The following PCBP3 variants were observed in gnomAD, a reference collection of about 807,000 sequenced individuals.
PCBP3 encodes the protein poly(rC) binding protein 3, also known as poly(rC)-binding protein 3.
In PCBP3, 25 loss-of-function variants were observed where a neutral mutation model predicts 52.7. The observed-to-expected ratio is 0.47, with a 90% CI of 0.35 to 0.66. The LOEUF (loss-of-function observed/expected upper bound fraction) is 0.66, where lower values mean the gene tolerates loss of function less well. Among genes scored for constraint, PCBP3 ranks in the 30% least tolerant of loss-of-function variants. The pLI, the probability that PCBP3 is intolerant of heterozygous loss-of-function variation, is 0.01. For synonymous variants in PCBP3, 162 were observed against 183.0 expected (o/e 0.89, Z 0.93); for missense variants, 391 against 490.3 (o/e 0.80, Z 1.91).
intron 2 of PCBP3, among the ~76,000 whole-genome samples, chr21:45,730,398 G>C (rs2085365095): frequency 6.6e-6 from 1 of 151,642 alleles, no homozygotes; most frequent in South Asian, 2.1e-4. Context: ...ATTGTGGTCA[G>C]GAAACATTTT....
intron 13 of PCBP3, chr21:45,918,079 G>T: frequency 4.4e-6 from 1 of 224,866 alleles, no homozygotes; most frequent in Non-Finnish European, 8.9e-6. Flanking sequence ...CCCTTTCAGA[G>T]TCCACATGAA....
intron 16 of PCBP3, among the ~76,000 whole-genome samples, chr21:45,938,983 C>A (rs1055228446): frequency 1.9e-4 from 29 of 152,264 alleles, no homozygotes; most frequent in Non-Finnish European, 5.9e-5. Flanking sequence ...CCCAGCCCAG[C>A]CCTTCCATCC....
intron 3 of PCBP3, among the ~76,000 whole-genome samples, chr21:45,739,132 C>A: frequency 8.1e-6 from 1 of 123,376 alleles, no homozygotes; most frequent in Non-Finnish European, 1.7e-5. Flanking sequence ...CCCCCATCTT[C>A]ATCAGCCCAC....
chr21:45,894,773 A>G (rs541597154), intron 5 of PCBP3, among the ~76,000 whole-genome samples: 1 of 152,368 alleles, frequency 6.6e-6, no homozygotes, highest in East Asian at 1.9e-4. Context: ...GTCCTGCTGC[A>G]CAGTGCAGCG....
intron 5 of PCBP3, among the ~76,000 whole-genome samples, chr21:45,891,764 G>A (rs1423491769): frequency 6.6e-6 from 1 of 152,250 alleles, no homozygotes; most frequent in Non-Finnish European, 1.5e-5. Context: ...AGGTTAAACG[G>A]TGAGTCGGTC....
rs1190903672 is a variant in PCBP3 at position 45,802,444 on chromosome 21, G to A, written c.-126+46992G>A. Among the ~76,000 whole-genome samples the A allele has an allele frequency of 4.6e-5, 7 of 152,286 alleles. No homozygotes were observed. In the East Asian group the frequency reaches 1.2e-3, roughly 25 times the overall value. On this transcript the variant is annotated intron_variant, in intron 4 of 17. Coordinates refer to ENST00000681687, the MANE Select transcript of PCBP3 (RefSeq NM_001384156.1). This position sits in a 1 kb window ranked among gnomAD's most constrained non-coding sequence, Gnocchi z 5.1. Reference sequence around the variant, plus strand: ...ACAATTGTACTTACTGAGTGCCTACGTTGTCCTGTGCCCGGGCTGCCCAAG... The same window carrying A: ...ACAATTGTACTTACTGAGTGCCTACATTGTCCTGTGCCCGGGCTGCCCAAG...
At chr21:45,768,484 T>A (rs1462005351) in intron 4 of PCBP3, among the ~76,000 whole-genome samples, 1 of 152,222 alleles carries the variant, frequency 6.6e-6, no homozygotes, top group Admixed American at 6.5e-5. Flanking sequence ...TCAAAGCAGA[T>A]GCATTTGAGG....
chr21:45,683,143 C>G (rs1309627488), intron 2 of PCBP3, among the ~76,000 whole-genome samples: 2 of 152,162 alleles, frequency 1.3e-5, no homozygotes, highest in Non-Finnish European at 2.9e-5. Context: ...GAACAATGAC[C>G]TGGATTCAGA....
At chr21:45,687,221 A>G (rs1000781464) in intron 2 of PCBP3, among the ~76,000 whole-genome samples, 3 of 152,220 alleles carry the variant, frequency 2.0e-5, no homozygotes, top group Admixed American at 1.3e-4. Flanking sequence ...CTGTCAACCT[A>G]TAATTCTATT....
At chr21:45,820,295 C>T (rs2093093050) in intron 4 of PCBP3, among the ~76,000 whole-genome samples, 1 of 152,274 alleles carries the variant, frequency 6.6e-6, no homozygotes, top group African/African-American at 2.4e-5. Flanking sequence ...CACACCTTTG[C>T]TGCCTGTGAG....
At chr21:45,832,387 T>C (rs925908129) in intron 4 of PCBP3, among the ~76,000 whole-genome samples, 1 of 152,130 alleles carries the variant, frequency 6.6e-6, no homozygotes. Context: ...TCCTATCTCA[T>C]CCCAAGACTT....
chr21:45,736,649 C>T lies in PCBP3; in HGVS notation c.-162+1220C>T, dbSNP rs2085890809. Among the ~76,000 whole-genome samples the T allele has an allele frequency of 6.6e-6, 1 of 152,086 alleles. No homozygotes were observed. Among genetic ancestry groups the T allele is most frequent in the African/African-American group, 2.4e-5 (1 of 41,380 alleles). On this transcript the variant is annotated intron_variant, in intron 3 of 17. Transcript: ENST00000681687. The surrounding 1 kb of genome is among the most constrained non-coding windows in gnomAD (Gnocchi z 4.6). The stretch of plus-strand genomic sequence containing the variant: ...GGGTTGGGGCCTGTGCTCCTAGGTG[C>T]TTAGGCTTGCAGGTGACTGGAATCC...
chr21:45,657,757 T>C (rs2080111721), intron 1 of PCBP3, among the ~76,000 whole-genome samples: 1 of 152,208 alleles, frequency 6.6e-6, no homozygotes, highest in Admixed American at 6.5e-5. Flanking sequence ...GTTAACAATA[T>C]TAAGTTTTCC....
chr21:45,672,859 G>A (rs756615250), intron 2 of PCBP3, among the ~76,000 whole-genome samples: 13 of 152,158 alleles, frequency 8.5e-5, no homozygotes, highest in Admixed American at 1.3e-4. Context: ...GTCTCTAGAC[G>A]CTTTCCTGTC....
At chr21:45,768,968 C>T (rs1402818037) in intron 4 of PCBP3, among the ~76,000 whole-genome samples, 2 of 152,218 alleles carry the variant, frequency 1.3e-5, no homozygotes, top group Non-Finnish European at 2.9e-5. Flanking sequence ...GAGGTGAGCA[C>T]GTGTCAGGAC....
chr21:45,804,135 C>T (rs545662943), intron 4 of PCBP3, among the ~76,000 whole-genome samples: 1 of 152,178 alleles, frequency 6.6e-6, no homozygotes, highest in Non-Finnish European at 1.5e-5. Flanking sequence ...CTCTCTGCTG[C>T]CCGCGTGGCT....
At chr21:45,699,965 C>G (rs1277923072) in intron 2 of PCBP3, among the ~76,000 whole-genome samples, 1 of 152,192 alleles carries the variant, frequency 6.6e-6, no homozygotes, top group African/African-American at 2.4e-5. Context: ...CCAATCATGC[C>G]TTCCCAACAG....
intron 4 of PCBP3, among the ~76,000 whole-genome samples, chr21:45,823,892 C>A (rs1251588233): frequency 1.3e-5 from 2 of 152,070 alleles, no homozygotes; most frequent in Non-Finnish European, 2.9e-5. Flanking sequence ...CAGGCACCCA[C>A]CACCACGCCC....
At chr21:45,815,168 AGTG>A (rs2092861395) in intron 4 of PCBP3, among the ~76,000 whole-genome samples, 5 of 61,442 alleles carry the variant, frequency 8.1e-5, no homozygotes, top group Admixed American at 1.8e-4. Context: ...GTGAGTAGTG[AGTG>A]GTGAGTGGTG....
Sources: gnomAD v4.1 joint callset for allele counts (sites outside exome capture counted in the v4.1 genomes callset) on GRCh38, gnomAD v4.1.1 for gene constraint, Gnocchi (gnomAD v3.1) non-coding constraint, MANE v1.5 for transcripts, NCBI Gene and HGNC (gene_info 2026-07-23, HGNC 2026-07-21) for gene names.